VPS53: variants seen among roughly 807,000 people sequenced by gnomAD.
VPS53 encodes VPS53 subunit of GARP complex.
A neutral mutation model predicts 107.0 loss-of-function variants in VPS53; 70 were observed. The observed-to-expected ratio is 0.65, with a 90% CI of 0.54 to 0.80. The LOEUF (loss-of-function observed/expected upper bound fraction) is 0.80, where lower values mean the gene tolerates loss of function less well. Ranked by LOEUF, VPS53 falls within the 30% of genes least tolerant of loss-of-function variation. VPS53 has a pLI of 0.00. For synonymous variants in VPS53, 409 were observed against 393.3 expected, an observed-to-expected ratio of 1.04 and a Z score of -0.47; for missense variants, 917 against 1,049.4, an observed-to-expected ratio of 0.87 and a Z score of 1.74.
intron 11 of VPS53, among the ~76,000 whole-genome samples, chr17:621,238 C>A (rs974177134): frequency 6.6e-6 from 1 of 152,136 alleles, no homozygotes; most frequent in African/African-American, 2.4e-5. Context: ...GGATGACAGG[C>A]GTGAGCTGCT....
intron 13 of VPS53, among the ~76,000 whole-genome samples, chr17:577,613 G>C (rs1428202579): frequency 6.6e-6 from 1 of 150,632 alleles, no homozygotes; most frequent in Non-Finnish European, 1.5e-5. Flanking sequence ...ACTTCCTTTA[G>C]GACCTCAATG....
rs375796498 is a variant in VPS53, at chr17:662,540, C to T, written c.286-645G>A. On this transcript the variant is annotated intron_variant, in intron 4 of 21. Transcript: ENST00000437048. ...CCATCTCTACTAAAAATACAAAAAACTAGCCAGGCACAGTGGCACGCACCT... is the reference window on the plus strand; with the variant it reads ...CCATCTCTACTAAAAATACAAAAAATTAGCCAGGCACAGTGGCACGCACCT... Among the ~76,000 whole-genome samples the T allele has an allele frequency of 8.4e-3, 1,269 of 151,886 alleles. 21 individuals carry two copies. The highest frequency in any genetic ancestry group is 0.029 in the African/African-American group (1,205 of 41,446).
intron 7 of VPS53, among the ~76,000 whole-genome samples, chr17:642,351 CG>C (rs1567700423): frequency 8.0e-5 from 12 of 150,824 alleles, no homozygotes; most frequent in African/African-American, 2.9e-4. Flanking sequence ...ACTTGGAAAG[CG>C]AGGACAACAC....
rs527414109 is a variant in VPS53, at chr17:698,723, G to GA, written c.218+607dup. On this transcript the variant is annotated intron_variant, in intron 3 of 21. Transcript: ENST00000437048. ...GTTTTGAAAAAAAAACAGAAAAAAAGAAAAAAAAAATCTATCAGAAAAGCT... is the reference window on the plus strand; with the variant it reads ...GTTTTGAAAAAAAAACAGAAAAAAAGAAAAAAAAAAATCTATCAGAAAAGCT... Among the ~76,000 whole-genome samples, 302 of 147,910 alleles carry GA rather than the reference G, an allele frequency of 2.0e-3. 2 individuals are homozygous for GA. The highest frequency in any genetic ancestry group is 5.3e-3 in the Admixed American group (79 of 14,786).
chr17:662,869 G>GGAAGGAAGGAAC (rs1567720212), intron 4 of VPS53, among the ~76,000 whole-genome samples: 3 of 102,798 alleles, frequency 2.9e-5, no homozygotes, highest in African/African-American at 8.9e-5. Context: ...AAGGAAGGAA[G>GGAAGGAAGGAAC]GAACGAAGGA....
chr17:628,158 T>A lies in VPS53; in HGVS notation c.761A>T (p.Gln254Leu), dbSNP rs1969797193. Residue 254 changes from glutamine (Q) to leucine (L), a missense_variant, in exon 9 of 22, where the codon CAG (glutamine) becomes CTG (leucine). Coordinates refer to ENST00000437048, the MANE Select transcript of VPS53 (RefSeq NM_001128159.3). ...TTTAATAAACTTTTTGATGATTTCC[T>A]GTTTGATCCTGGGATCTAGAATATT... ...VANILDPRIK[Q>L]EIIKKFIKQH... 3.1e-6 allele frequency: 5 copies of A among 1,614,078 alleles called. No individual in the cohort carries two copies. In the East Asian group the frequency reaches 1.1e-4, roughly 36 times the overall value.
intron 12 of VPS53, among the ~76,000 whole-genome samples, chr17:588,144 T>A (rs760801286): frequency 1.3e-5 from 2 of 152,122 alleles, no homozygotes; most frequent in Non-Finnish European, 2.9e-5. Flanking sequence ...GGTGAAACCC[T>A]GTCTCTACTA....
chr17:634,686 G>A (rs1189804594), intron 7 of VPS53, among the ~76,000 whole-genome samples: 1 of 151,738 alleles, frequency 6.6e-6, no homozygotes, highest in Middle Eastern at 3.2e-3. Flanking sequence ...GAGAATGATG[G>A]TTTCCAGCTT....
intron 13 of VPS53, among the ~76,000 whole-genome samples, chr17:577,217 C>A (rs893081526): frequency 8.6e-5 from 13 of 151,424 alleles, no homozygotes; most frequent in Non-Finnish European, 1.3e-4. Flanking sequence ...TCCCAGAGAA[C>A]CTCCCTCAGA....
intron 2 of VPS53, among the ~76,000 whole-genome samples, chr17:710,101 C>T (rs147752799): frequency 8.0e-4 from 121 of 152,154 alleles, no homozygotes; most frequent in African/African-American, 2.8e-3. Flanking sequence ...GCCGAGACCG[C>T]GCCATTGCAC....
At chr17:641,995 T>C (rs1970439910) in intron 7 of VPS53, among the ~76,000 whole-genome samples, 2 of 152,208 alleles carry the variant, frequency 1.3e-5, no homozygotes, top group African/African-American at 4.8e-5. Flanking sequence ...CCTAAAAGTG[T>C]TCTCAGCTTT....
At chr17:545,992 G>A (rs1448990227) in intron 17 of VPS53, among the ~76,000 whole-genome samples, 1 of 152,304 alleles carries the variant, frequency 6.6e-6, no homozygotes, top group East Asian at 1.9e-4. Flanking sequence ...TGTGGTACTG[G>A]CCTGAGGGTG....
At chr17:571,423 A>G (rs2151864896) in intron 13 of VPS53, among the ~76,000 whole-genome samples, 1 of 152,266 alleles carries the variant, frequency 6.6e-6, no homozygotes, top group Non-Finnish European at 1.5e-5. Context: ...TAATTCTTAT[A>G]ATTCTTCTGT....
At chr17:572,386 G>C (rs1035239675) in intron 13 of VPS53, among the ~76,000 whole-genome samples, 21 of 120,220 alleles carry the variant, frequency 1.7e-4, no homozygotes, top group Admixed American at 3.5e-4. Flanking sequence ...TCTCCGCCGG[G>C]CAGCCACCCC....
intron 2 of VPS53, among the ~76,000 whole-genome samples, chr17:706,429 C>A (rs917752018): frequency 1.3e-5 from 2 of 150,946 alleles, no homozygotes; most frequent in Admixed American, 6.6e-5. Context: ...CTCAGCTACT[C>A]AGGAGGCTGA....
intron 19 of VPS53, among the ~76,000 whole-genome samples, chr17:531,226 G>T (rs925801839): frequency 1.3e-5 from 2 of 152,152 alleles, no homozygotes; most frequent in African/African-American, 2.4e-5. Flanking sequence ...CAGGGGCCAC[G>T]TTGCCCTGTA....
At chr17:548,826 C>T (rs969372463) in intron 17 of VPS53, among the ~76,000 whole-genome samples, 1 of 152,246 alleles carries the variant, frequency 6.6e-6, no homozygotes, top group South Asian at 2.1e-4. Context: ...CCTCTCTTTA[C>T]TCATGTTTTC....
At chr17:666,250 G>T (rs922516660) in intron 4 of VPS53, among the ~76,000 whole-genome samples, 1 of 152,200 alleles carries the variant, frequency 6.6e-6, no homozygotes, top group African/African-American at 2.4e-5. Flanking sequence ...AAAAAAAGCA[G>T]AGATGCAGAG....
intron 7 of VPS53, among the ~76,000 whole-genome samples, chr17:632,508 C>T (rs995882093): frequency 3.3e-5 from 5 of 152,018 alleles, no homozygotes; most frequent in African/African-American, 7.2e-5. Context: ...GTTACTTCTC[C>T]GTGTTAGGAA....
Sources: gnomAD v4.1 joint callset for allele counts (sites outside exome capture counted in the v4.1 genomes callset) on GRCh38, gnomAD v4.1.1 for gene constraint, MANE v1.5 for transcripts, NCBI Gene and HGNC (gene_info 2026-07-23, HGNC 2026-07-21) for gene names.